VPS37A: variants seen among roughly 807,000 people sequenced by gnomAD.
VPS37A encodes vacuolar protein sorting-associated protein 37A.
In VPS37A, 30 loss-of-function variants were observed where a neutral mutation model predicts 49.8. That is an observed-to-expected ratio of 0.60 (90% CI 0.45 to 0.82). The LOEUF (loss-of-function observed/expected upper bound fraction) is 0.82. Among genes scored for constraint, VPS37A ranks in the 40% least tolerant of loss-of-function variants. The probability of loss-of-function intolerance (pLI) is 0.00; values close to 1 mark genes in which losing one functional copy is unlikely to be tolerated. For missense variants in VPS37A, 593 were observed against 464.4 expected (o/e 1.28, Z -2.55); for synonymous variants, 195 against 160.6 (o/e 1.21, Z -1.62).
At chr8:17,291,841 C>G (rs1816188628) in intron 11 of VPS37A, among the ~76,000 whole-genome samples, 1 of 151,678 alleles carries the variant, frequency 6.6e-6, no homozygotes, top group South Asian at 2.1e-4. Context: ...GTCTGGGAGA[C>G]TGTTATGATT....
At chr8:17,269,313 G>T (rs1813765622) in intron 4 of VPS37A, among the ~76,000 whole-genome samples, 1 of 151,830 alleles carries the variant, frequency 6.6e-6, no homozygotes, top group Non-Finnish European at 1.5e-5. Context: ...TCCATATTTG[G>T]TGTATTTATT....
intron 4 of VPS37A, among the ~76,000 whole-genome samples, chr8:17,271,312 A>T (rs1813963299): frequency 6.6e-6 from 1 of 152,134 alleles, no homozygotes; most frequent in Non-Finnish European, 1.5e-5. Flanking sequence ...TTCCTTTAAC[A>T]TGCTTATGAT....
chr8:17,322,973 A>C, the VPS37A span, among the ~76,000 whole-genome samples: 3 of 81,234 alleles, frequency 3.7e-5, no homozygotes, highest in African/African-American at 2.2e-4. Context: ...TTTTTGAGAC[A>C]GTCTTGCTCT....
Position 17,247,573 on chromosome 8 carries a change from A to G in VPS37A, c.125+204A>G, listed in dbSNP as rs1040477983. On this transcript the variant is annotated intron_variant, in intron 1 of 11. Transcript: ENST00000324849. The stretch of plus-strand genomic sequence containing the variant: ...GACCCTCCCTGCCTCCTGCCGCACC[A>G]CTGCTCAGCGCTTCTAACTCGGATT... 8.0e-6 allele frequency: 6 copies of G among 754,064 alleles called. No individual in the cohort carries two copies. In the East Asian group the frequency reaches 8.0e-5, roughly 10 times the overall value. The allele number at this position is 754,064 out of a possible 1,614,324, so 46.7% of individuals were successfully genotyped here.
chr8:17,329,469 T>C, the VPS37A span, among the ~76,000 whole-genome samples: 2 of 152,118 alleles, frequency 1.3e-5, no homozygotes, highest in African/African-American at 2.4e-5. Context: ...TAGAAAACAG[T>C]AGTGTCAGAC....
intron 11 of VPS37A, 37 bp downstream of exon 11, chr8:17,286,464 G>C (rs771278832): frequency 6.4e-7 from 1 of 1,573,256 alleles, no homozygotes; most frequent in Non-Finnish European, 8.7e-7. Flanking sequence ...CAAGGTGATT[G>C]CATCAGTGTT....
In VPS37A at chr8:17,296,139, C is replaced by G. The variant is rs1032954001; in HGVS notation, c.*1153C>G. 5.9e-5 allele frequency: 9 copies of G among 152,284 alleles called. No individual in the cohort carries two copies. Among genetic ancestry groups the G allele is most frequent in the African/African-American group, 2.2e-4 (9 of 41,574 alleles). The allele number at this position is 152,284 out of a possible 1,614,324, so 9.4% of individuals were successfully genotyped here. ...AACACCAGCATATAGTATAGATTGT[C>G]TGTCTTTTTTATATTTTTTAGTTCT... On this transcript the variant is annotated 3_prime_UTR_variant, in exon 12 of 12. Coordinates refer to ENST00000324849, the MANE Select transcript of VPS37A (RefSeq NM_152415.3).
rs1042661827 is a variant in VPS37A, at chr8:17,266,132, T to C, written c.200+151T>C. The C allele has an allele frequency of 4.2e-6, 3 of 712,850 alleles. No individual in the cohort carries two copies. In the East Asian group the frequency reaches 8.6e-5, roughly 20 times the overall value. The allele number at this position is 712,850 out of a possible 1,614,324, so 44.2% of individuals were successfully genotyped here. A position where few individuals can be genotyped will look rare whatever the true frequency, so the allele number is the denominator to read the frequency against. ...GCACAATTCAGTGAAATAAAAATATTCGAAAGCTATCACTGTTATAGTGTT... is the reference window on the plus strand; with the variant it reads ...GCACAATTCAGTGAAATAAAAATATCCGAAAGCTATCACTGTTATAGTGTT... On this transcript the variant is annotated intron_variant, in intron 2 of 11. Coordinates refer to ENST00000324849, the MANE Select transcript of VPS37A (RefSeq NM_152415.3).
intron 6 of VPS37A, chr8:17,279,820 C>A (rs1182362173): frequency 1.5e-6 from 1 of 647,872 alleles, no homozygotes; most frequent in Non-Finnish European, 2.8e-6. Flanking sequence ...TTTACAGATT[C>A]TGTCAAGAAT....
At chr8:17,289,694 C>T (rs1481416885) in intron 11 of VPS37A, among the ~76,000 whole-genome samples, 2 of 152,220 alleles carry the variant, frequency 1.3e-5, no homozygotes, top group East Asian at 1.9e-4. Flanking sequence ...TGGGCTCTTT[C>T]TTGGTTCCAT....
downstream of VPS37A, chr8:17,299,680 A>G (rs1816970591): frequency 4.1e-6 from 3 of 736,392 alleles, no homozygotes; most frequent in Non-Finnish European, 6.5e-6. Context: ...AAATGAAATG[A>G]CTACGTCCTC....
chr8:17,258,013 C>T (rs1278146129), intron 1 of VPS37A, among the ~76,000 whole-genome samples: 3 of 152,040 alleles, frequency 2.0e-5, no homozygotes, highest in African/African-American at 7.2e-5. Flanking sequence ...ATTGGTTTAT[C>T]ATTTCTAACA....
intron 1 of VPS37A, among the ~76,000 whole-genome samples, chr8:17,264,800 A>AT (rs1445052836): frequency 6.6e-6 from 1 of 152,300 alleles, no homozygotes; most frequent in Non-Finnish European, 1.5e-5. Flanking sequence ...ACCTCACCTC[A>AT]TTAATACTAC....
At chr8:17,283,330 A>AT (rs1815273540) in intron 9 of VPS37A, among the ~76,000 whole-genome samples, 1 of 152,048 alleles carries the variant, frequency 6.6e-6, no homozygotes, top group Non-Finnish European at 1.5e-5. Flanking sequence ...TAATTTTTGT[A>AT]TTTTTTGTAG....
chr8:17,292,205 C>G (rs1816219249), intron 11 of VPS37A, among the ~76,000 whole-genome samples: 1 of 152,104 alleles, frequency 6.6e-6, no homozygotes, highest in South Asian at 2.1e-4. Context: ...TACATTGATC[C>G]CTTTACCATT....
At chr8:17,325,392 C>A in the VPS37A span, among the ~76,000 whole-genome samples, 3 of 152,214 alleles carry the variant, frequency 2.0e-5, no homozygotes, top group Non-Finnish European at 4.4e-5. Context: ...AAGAACAGAT[C>A]GGGTATCATC....
chr8:17,302,702 A>ACCCC (rs1460018324), downstream of VPS37A, among the ~76,000 whole-genome samples: 2 of 21,780 alleles, frequency 9.2e-5, no homozygotes, highest in Non-Finnish European at 3.7e-4. Flanking sequence ...CATTGGCAAT[A>ACCCC]ACCCCCCCCC....
intron 8 of VPS37A, 21 bp from the exon 9 acceptor site, chr8:17,280,354 C>G (rs1814927247): frequency 6.2e-7 from 1 of 1,602,172 alleles, no homozygotes; most frequent in Non-Finnish European, 8.5e-7. Flanking sequence ...AATAAAACAA[C>G]CTTTTCATTT....
At chr8:17,323,443 T>C in the VPS37A span, among the ~76,000 whole-genome samples, 1 of 152,034 alleles carries the variant, frequency 6.6e-6, no homozygotes, top group African/African-American at 2.4e-5. Flanking sequence ...GTTTAAGGGA[T>C]GCTAAAATCT....
Sources: allele counts gnomAD v4.1 joint callset (sites outside exome capture counted in the v4.1 genomes callset), GRCh38; gene constraint gnomAD v4.1.1; transcripts MANE v1.5; gene names NCBI Gene and HGNC (gene_info 2026-07-23, HGNC 2026-07-21).